The following NDFIP1 variants were observed in gnomAD, a reference collection of about 807,000 sequenced individuals.
The protein encoded by NDFIP1 is NEDD4 family-interacting protein 1.
Under a neutral mutation model 28.8 loss-of-function variants are expected in NDFIP1, and 7 were observed. That is an observed-to-expected ratio of 0.24 (90% CI 0.14 to 0.46). NDFIP1 has a LOEUF of 0.46. Ranked by LOEUF, NDFIP1 falls within the 20% of genes least tolerant of loss-of-function variation. The probability of loss-of-function intolerance (pLI) is 0.99; values close to 1 mark genes in which losing one functional copy is unlikely to be tolerated. For missense variants in NDFIP1, 194 were observed against 269.1 expected (o/e 0.72, Z 1.95); for synonymous variants, 92 against 101.0 (o/e 0.91, Z 0.53).
chr5:142,149,487 C>T (rs1470277604), intron 7 of NDFIP1, among the ~76,000 whole-genome samples: 1 of 125,120 alleles, frequency 8.0e-6, no homozygotes, highest in Non-Finnish European at 1.6e-5. Context: ...TTTAGTAATA[C>T]GGTCCAGAGT....
chr5:142,120,112 T>G (rs1207046602), intron 1 of NDFIP1, among the ~76,000 whole-genome samples: 3 of 152,118 alleles, frequency 2.0e-5, no homozygotes, highest in Non-Finnish European at 2.9e-5. Flanking sequence ...CGCACCACAA[T>G]GTCCAGCTAA....
intron 6 of NDFIP1, 70 bp from the exon 7 acceptor site, chr5:142,144,501 A>C: frequency 9.2e-7 from 1 of 1,086,846 alleles, no homozygotes; most frequent in Non-Finnish European, 1.4e-6. Context: ...CTATCAGGAG[A>C]GGGATTTCTG....
intron 1 of NDFIP1, among the ~76,000 whole-genome samples, chr5:142,112,073 CCAAAA>C (rs1289543301): frequency 4.1e-5 from 6 of 147,968 alleles, no homozygotes; most frequent in South Asian, 4.3e-4. Context: ...TCAAAAAAAA[CCAAAA>C]CAAAACAAAA....
In NDFIP1 at chr5:142,108,953, C is replaced by T. The variant is rs760364854; in HGVS notation, c.-22C>T. 1.2e-5 allele frequency: 17 copies of T among 1,433,492 alleles called. No individual in the cohort carries two copies. The highest frequency in any genetic ancestry group is 1.5e-5 in the African/African-American group (1 of 67,276). The allele number at this position is 1,433,492 out of a possible 1,614,324, so 88.8% of individuals were successfully genotyped here. A position where few individuals can be genotyped will look rare whatever the true frequency, so the allele number is the denominator to read the frequency against. On this transcript the variant is annotated 5_prime_UTR_variant, in exon 1 of 8. Coordinates refer to ENST00000253814, the MANE Select transcript of NDFIP1 (RefSeq NM_030571.4). ...TCAGCTAGCTCGCTCGCTCGCTCTG[C>T]TTCCCTGCTGCCGGCTGCGCCATGG...
chr5:142,147,850 A>G (rs1757406519), intron 7 of NDFIP1, among the ~76,000 whole-genome samples: 1 of 152,234 alleles, frequency 6.6e-6, no homozygotes, highest in African/African-American at 2.4e-5. Context: ...CTCTCTTGAC[A>G]TTGTCAACCT....
At chr5:142,117,728 CTTT>C (rs10699168) in intron 1 of NDFIP1, among the ~76,000 whole-genome samples, 3 of 116,106 alleles carry the variant, frequency 2.6e-5, no homozygotes, top group Non-Finnish European at 3.4e-5. Flanking sequence ...GTTCTACAGG[CTTT>C]TTTTTTTTTT....
At chr5:142,130,923 G>C (rs1359171815) in intron 1 of NDFIP1, among the ~76,000 whole-genome samples, 1 of 151,668 alleles carries the variant, frequency 6.6e-6, no homozygotes, top group East Asian at 1.9e-4. Context: ...TGTAATAATA[G>C]TACACTGTAA....
chr5:142,151,414 C>A (rs145318604), intron 7 of NDFIP1, among the ~76,000 whole-genome samples: 1 of 152,154 alleles, frequency 6.6e-6, no homozygotes, highest in Admixed American at 6.5e-5. Flanking sequence ...TTGCTGACAG[C>A]GTTCAGTGTG....
intron 1 of NDFIP1, among the ~76,000 whole-genome samples, chr5:142,125,734 T>G (rs1311684305): frequency 3.9e-5 from 6 of 152,192 alleles, no homozygotes; most frequent in Non-Finnish European, 5.9e-5. Context: ...CCACCAGCAG[T>G]GTATTAGAGT....
intron 1 of NDFIP1, among the ~76,000 whole-genome samples, chr5:142,122,925 T>C (rs969455820): frequency 6.6e-6 from 1 of 152,174 alleles, no homozygotes; most frequent in East Asian, 1.9e-4. Flanking sequence ...CCTAATGGTG[T>C]CTTCTGAATG....
intron 1 of NDFIP1, among the ~76,000 whole-genome samples, chr5:142,129,926 A>G (rs1757209701): frequency 6.8e-6 from 1 of 147,616 alleles, no homozygotes; most frequent in Admixed American, 6.8e-5. Flanking sequence ...AAAAAAAAAA[A>G]AAAAGAAAGA....
At chr5:142,144,309 C>T in intron 6 of NDFIP1, 1 of 243,888 alleles carries the variant, frequency 4.1e-6, no homozygotes, top group Admixed American at 5.2e-5. Context: ...ATGTTTGGCT[C>T]CATCTTATTT....
Position 142,108,855 on chromosome 5 carries a change from GGCCATCGAGACCCACCCAA to G in NDFIP1, c.-118_-100del. On this transcript the variant is annotated 5_prime_UTR_variant, in exon 1 of 8. Transcript: ENST00000253814. ...GAGCGTCTCGCCCGGGAGCGGCGGC[GGCCATCGAGACCCACCCAA>G]GGCGCGTCCCCCTCGGCCTCCCAGC... 1.3e-6 allele frequency: 1 copy of G among 793,928 alleles called. No individual in the cohort carries two copies. The highest frequency in any genetic ancestry group is 1.8e-6 in the Non-Finnish European group (1 of 570,548). The allele number at this position is 793,928 out of a possible 1,614,324, so 49.2% of individuals were successfully genotyped here. A position where few individuals can be genotyped will look rare whatever the true frequency, so the allele number is the denominator to read the frequency against.
At chr5:142,132,409 T>A (rs1757236841) in intron 3 of NDFIP1, 67 bp downstream of exon 3, 1 of 1,542,998 alleles carries the variant, frequency 6.5e-7, no homozygotes, top group South Asian at 1.2e-5. Flanking sequence ...CATTATCCAA[T>A]TTTGATTCGT....
intron 1 of NDFIP1, among the ~76,000 whole-genome samples, chr5:142,122,785 A>T (rs1017845056): frequency 6.6e-6 from 1 of 152,088 alleles, no homozygotes; most frequent in African/African-American, 2.4e-5. Flanking sequence ...TGAAATGTCT[A>T]TTCAAGTCTT....
intron 7 of NDFIP1, among the ~76,000 whole-genome samples, chr5:142,148,586 A>G (rs147699971): frequency 0.093 from 14,099 of 151,862 alleles, 796 homozygotes; most frequent in African/African-American, 0.16. Flanking sequence ...CCCCGTCTCT[A>G]CTAAAGATAC....
At chr5:142,145,538 T>G (rs536602862) in intron 7 of NDFIP1, among the ~76,000 whole-genome samples, 1 of 152,208 alleles carries the variant, frequency 6.6e-6, no homozygotes, top group East Asian at 1.9e-4. Context: ...TTGAAGGTCT[T>G]AGGCAAAGCA....
intron 1 of NDFIP1, among the ~76,000 whole-genome samples, chr5:142,110,514 A>G (rs1757002800): frequency 6.6e-6 from 1 of 152,176 alleles, no homozygotes; most frequent in Non-Finnish European, 1.5e-5. Context: ...ATGCTGACAT[A>G]CTGCTAGAAT....
At chr5:142,150,200 AT>A (rs1335489747) in intron 7 of NDFIP1, among the ~76,000 whole-genome samples, 6 of 16,672 alleles carry the variant, frequency 3.6e-4, no homozygotes, top group African/African-American at 1.4e-3. Context: ...AAAAAAAAAA[AT>A]ATATAGAAAC....
Sources: allele counts gnomAD v4.1 joint callset (sites outside exome capture counted in the v4.1 genomes callset), GRCh38; gene constraint gnomAD v4.1.1; transcripts MANE v1.5; gene names NCBI Gene and HGNC (gene_info 2026-07-23, HGNC 2026-07-21).